Variants in MYO16 observed in about 807,000 individuals in gnomAD.
MYO16 encodes unconventional myosin-XVI.
MYO16 carries 94 observed loss-of-function variants against 205.3 expected under a neutral mutation model. The observed-to-expected ratio is 0.46, with a 90% CI of 0.39 to 0.54. The LOEUF (loss-of-function observed/expected upper bound fraction) is 0.54. Ranked by LOEUF, MYO16 falls within the 20% of genes least tolerant of loss-of-function variation. The probability of loss-of-function intolerance (pLI) is 0.00; values close to 1 mark genes in which losing one functional copy is unlikely to be tolerated. For synonymous variants in MYO16, 988 were observed against 954.0 expected (o/e 1.04, Z -0.66); for missense variants, 2,315 against 2,387.5 (o/e 0.97, Z 0.63).
chr13:109,175,858 G>A (rs949824296), intron 33 of MYO16, among the ~76,000 whole-genome samples: 4 of 152,000 alleles, frequency 2.6e-5, no homozygotes, highest in Admixed American at 6.6e-5. Flanking sequence ...AAAATGCGCC[G>A]TGGGATTCTC....
chr13:108,709,134 C>G (rs1472931246), intron 2 of MYO16, among the ~76,000 whole-genome samples: 5 of 152,098 alleles, frequency 3.3e-5, no homozygotes, highest in Admixed American at 1.3e-4. Flanking sequence ...TATTTGGTCC[C>G]CAGATGGCTG....
intron 27 of MYO16, among the ~76,000 whole-genome samples, chr13:109,084,778 G>C (rs1214232881): frequency 6.6e-6 from 1 of 150,768 alleles, no homozygotes; most frequent in African/African-American, 2.4e-5. Flanking sequence ...TGAATGTCTG[G>C]ACACTAAAGT....
chr13:108,900,886 A>G (rs1880674599), intron 15 of MYO16, among the ~76,000 whole-genome samples: 3 of 152,232 alleles, frequency 2.0e-5, no homozygotes, highest in Admixed American at 1.3e-4. Flanking sequence ...TGGGAGAAAT[A>G]TCGCTGAATT....
chr13:109,130,780 G>C lies in MYO16; in HGVS notation c.4051+3230G>C, dbSNP rs146038747. ...CCTAGCATGTTAGACATCTCCCTCA[G>C]TCCAACACAATCCGAGTATAATCTA... On this transcript the variant is annotated intron_variant, in intron 31 of 34. Coordinates refer to ENST00000457511, the MANE Select transcript of MYO16 (RefSeq NM_001198950.3). Among the ~76,000 whole-genome samples, 99 of 152,324 alleles carry C rather than the reference G, an allele frequency of 6.5e-4. 1 individual carries two copies. The highest frequency in any genetic ancestry group is 2.3e-3 in the African/African-American group (95 of 41,580).
intron 2 of MYO16, among the ~76,000 whole-genome samples, chr13:108,667,706 ATCT>A (rs1447383864): frequency 6.6e-6 from 1 of 152,198 alleles, no homozygotes; most frequent in African/African-American, 2.4e-5. Flanking sequence ...AAGAAAGCAG[ATCT>A]TAAAATTTAA....
At chr13:108,864,199 T>C (rs555804253) in intron 11 of MYO16, among the ~76,000 whole-genome samples, 8 of 152,194 alleles carry the variant, frequency 5.3e-5, no homozygotes, top group Non-Finnish European at 1.0e-4. Flanking sequence ...TTATAATTGA[T>C]GTAATTTTTT....
chr13:108,906,404 A>T (rs1356797559), intron 15 of MYO16, among the ~76,000 whole-genome samples: 1 of 152,214 alleles, frequency 6.6e-6, no homozygotes. Context: ...ATTACTGCAA[A>T]TGAAATGGAA....
At chr13:108,968,865 G>C (rs537422095) in intron 20 of MYO16, among the ~76,000 whole-genome samples, 3 of 152,202 alleles carry the variant, frequency 2.0e-5, no homozygotes, top group Non-Finnish European at 4.4e-5. Context: ...CAGGAAGACT[G>C]CCCTGAGCCC....
At chr13:109,090,071 G>C (rs1353867640) in intron 27 of MYO16, among the ~76,000 whole-genome samples, 2 of 152,202 alleles carry the variant, frequency 1.3e-5, no homozygotes, top group African/African-American at 2.4e-5. Flanking sequence ...TGGTGCATTT[G>C]TGTTCCTAAA....
upstream of MYO16, among the ~76,000 whole-genome samples, chr13:108,626,193 G>T (rs2139343872): frequency 6.6e-6 from 1 of 152,202 alleles, no homozygotes; most frequent in East Asian, 1.9e-4. Context: ...ATCAGAAATA[G>T]TGTGAATAAT....
intron 14 of MYO16, among the ~76,000 whole-genome samples, chr13:108,895,839 T>G (rs1312616656): frequency 6.6e-6 from 1 of 152,238 alleles, no homozygotes; most frequent in Non-Finnish European, 1.5e-5. Flanking sequence ...CATTGTCTAT[T>G]GCTATTCACA....
chr13:108,643,987 C>CA (rs1880625821), intron 1 of MYO16, among the ~76,000 whole-genome samples: 1 of 152,106 alleles, frequency 6.6e-6, no homozygotes, highest in Non-Finnish European at 1.5e-5. Context: ...ATTCTACTTT[C>CA]AAAAAATCTC....
the MYO16 span, among the ~76,000 whole-genome samples, chr13:108,516,894 C>CT: frequency 0.13 from 19,363 of 151,652 alleles, 1,395 homozygotes; most frequent in East Asian, 0.22. Flanking sequence ...ATTTTGTTTT[C>CT]TTTTTTTTCT....
chr13:108,571,340 C>A, the MYO16 span, among the ~76,000 whole-genome samples: 3 of 150,186 alleles, frequency 2.0e-5, no homozygotes, highest in Non-Finnish European at 3.0e-5. Context: ...GATTTGTGAA[C>A]CTTTGAGAAT....
intron 1 of MYO16, chr13:108,659,430 C>A (rs1268487743): frequency 1.5e-5 from 6 of 390,910 alleles, no homozygotes; most frequent in Non-Finnish European, 1.0e-5. Flanking sequence ...GAGGTACGCA[C>A]TCGCTGAGCA....
intron 16 of MYO16, among the ~76,000 whole-genome samples, chr13:108,936,129 C>A (rs567592319): frequency 6.9e-6 from 1 of 145,570 alleles, no homozygotes; most frequent in African/African-American, 2.6e-5. Context: ...TCCTTCCTTC[C>A]TTCCTTCCTT....
intron 27 of MYO16, among the ~76,000 whole-genome samples, chr13:109,074,770 A>G (rs1028595469): frequency 2.0e-5 from 3 of 152,218 alleles, no homozygotes; most frequent in Admixed American, 2.0e-4. Context: ...CACTTACGCT[A>G]TCAGATCTCA....
intron 23 of MYO16, among the ~76,000 whole-genome samples, chr13:109,027,559 C>G (rs1187549246): frequency 6.6e-6 from 1 of 151,890 alleles, no homozygotes; most frequent in Non-Finnish European, 1.5e-5. Context: ...AGGGCAGGAT[C>G]CCTGCCTGGG....
At chr13:108,750,090 G>A (rs1456307425) in intron 4 of MYO16, among the ~76,000 whole-genome samples, 1 of 152,238 alleles carries the variant, frequency 6.6e-6, no homozygotes, top group Non-Finnish European at 1.5e-5. Flanking sequence ...GTGTTTGCCA[G>A]GGATTTGGAG....
Sources: gnomAD v4.1 joint callset for allele counts (sites outside exome capture counted in the v4.1 genomes callset) on GRCh38, gnomAD v4.1.1 for gene constraint, MANE v1.5 for transcripts, NCBI Gene and HGNC (gene_info 2026-07-23, HGNC 2026-07-21) for gene names.